PALS2: variants seen among roughly 807,000 people sequenced by gnomAD.
PALS2 encodes the protein protein PALS2.
Under a neutral mutation model 61.6 loss-of-function variants are expected in PALS2, and 27 were observed. The ratio of observed to expected loss-of-function variants is 0.44; its 90% CI spans 0.32 to 0.60. The LOEUF is 0.60. Ranked by LOEUF, PALS2 falls within the 20% of genes least tolerant of loss-of-function variation. PALS2 has a pLI of 0.05. For synonymous variants in PALS2, 236 were observed against 218.6 expected (o/e 1.08, Z -0.70); for missense variants, 554 against 639.4 (o/e 0.87, Z 1.44).
At chr7:24,617,322 T>G (rs1784328092) in intron 1 of PALS2, among the ~76,000 whole-genome samples, 1 of 152,244 alleles carries the variant, frequency 6.6e-6, no homozygotes, top group Admixed American at 6.5e-5. Flanking sequence ...TATTATTTTG[T>G]ATCTCACTGT....
At chr7:24,574,452 T>A (rs931995812) in intron 1 of PALS2, among the ~76,000 whole-genome samples, 7 of 152,122 alleles carry the variant, frequency 4.6e-5, no homozygotes, top group Admixed American at 2.6e-4. Context: ...TTATTCTCAA[T>A]CCTACCAGTT....
chr7:24,662,898 A>G (rs1046983760), intron 5 of PALS2, among the ~76,000 whole-genome samples: 3 of 152,148 alleles, frequency 2.0e-5, no homozygotes, highest in African/African-American at 4.8e-5. Flanking sequence ...AAATAGCCCA[A>G]ATTTCGGAGA....
intron 3 of PALS2, among the ~76,000 whole-genome samples, chr7:24,644,531 T>C (rs1427335861): frequency 6.6e-6 from 1 of 152,128 alleles, no homozygotes; most frequent in Non-Finnish European, 1.5e-5. Context: ...TATCACATTT[T>C]CTTTATCCAA....
chr7:24,605,165 A>G (rs1393772108), intron 1 of PALS2, among the ~76,000 whole-genome samples: 1 of 152,356 alleles, frequency 6.6e-6, no homozygotes, highest in African/African-American at 2.4e-5. Context: ...AAGATTTTCA[A>G]CATTTTACTA....
intron 1 of PALS2, among the ~76,000 whole-genome samples, chr7:24,578,874 A>G (rs1271048240): frequency 1.3e-5 from 2 of 152,202 alleles, no homozygotes; most frequent in African/African-American, 4.8e-5. Flanking sequence ...TGAAATCTGA[A>G]GTATCTGAAA....
intron 8 of PALS2, chr7:24,666,738 C>A (rs1375303305): frequency 1.3e-5 from 2 of 152,024 alleles, no homozygotes; most frequent in Non-Finnish European, 2.9e-5. Flanking sequence ...CTCAGTAAAG[C>A]TGAAAAGATT....
chr7:24,587,104 G>GTT (rs1783096325), intron 1 of PALS2, among the ~76,000 whole-genome samples: 1 of 151,508 alleles, frequency 6.6e-6, no homozygotes, highest in African/African-American at 2.4e-5. Context: ...ATTTGAGCAA[G>GTT]TTGTTCTCAT....
chr7:24,605,278 C>T (rs565552890), intron 1 of PALS2, among the ~76,000 whole-genome samples: 1 of 152,246 alleles, frequency 6.6e-6, no homozygotes, highest in East Asian at 1.9e-4. Flanking sequence ...ATGTTCACTG[C>T]AGCATTTCTT....
rs140647017 is a variant in PALS2 at position 24,685,978 on chromosome 7, A to G, written c.1447-1460A>G. Among the ~76,000 whole-genome samples the G allele has an allele frequency of 2.8e-4, 42 of 152,256 alleles. No individual in the cohort carries two copies. In the East Asian group the frequency reaches 7.3e-3, roughly 27 times the overall value. On this transcript the variant is annotated intron_variant, in intron 11 of 11. Coordinates refer to ENST00000222644, the MANE Select transcript of PALS2 (RefSeq NM_001303037.2). Reference sequence around the variant, plus strand: ...ATTTGCATAACCAGTCGCCTGCTGTACATCTCCACTTGGATGTCTCACAGA... The same window carrying G: ...ATTTGCATAACCAGTCGCCTGCTGTGCATCTCCACTTGGATGTCTCACAGA...
At chr7:24,642,559 A>G (rs1562635626) in intron 3 of PALS2, among the ~76,000 whole-genome samples, 1 of 152,180 alleles carries the variant, frequency 6.6e-6, no homozygotes, top group Admixed American at 6.5e-5. Context: ...TGACTGGGAC[A>G]CTGCATTTTC....
intron 9 of PALS2, among the ~76,000 whole-genome samples, chr7:24,678,740 T>C (rs891960702): frequency 6.6e-6 from 1 of 152,222 alleles, no homozygotes; most frequent in African/African-American, 2.4e-5. Context: ...TAGGTAAATA[T>C]ACTTTGAGTT....
chr7:24,691,063 A>G lies in PALS2; in HGVS notation c.*3449A>G, dbSNP rs1340309270. On this transcript the variant is annotated 3_prime_UTR_variant, in exon 12 of 12. Transcript: ENST00000222644. ...TGATCCTTGGTTTAAAAATTATTAA[A>G]TGGTACTTATTTTTATGTATAACAA... 2 of 152,126 alleles carry G rather than the reference A, an allele frequency of 1.3e-5. No homozygotes were observed. Among genetic ancestry groups the G allele is most frequent in the Non-Finnish European group, 2.9e-5 (2 of 68,002 alleles). 9.4% of individuals were successfully genotyped at this position (152,126 alleles called of 1,614,324 possible).
chr7:24,639,625 C>T (rs1785413404), intron 2 of PALS2, among the ~76,000 whole-genome samples: 2 of 150,928 alleles, frequency 1.3e-5, no homozygotes, highest in Non-Finnish European at 2.9e-5. Context: ...AAACAATTGG[C>T]AATTCTAGCT....
At chr7:24,585,715 T>C (rs184715912) in intron 1 of PALS2, among the ~76,000 whole-genome samples, 106 of 152,290 alleles carry the variant, frequency 7.0e-4, no homozygotes, top group African/African-American at 2.2e-3. Context: ...ATTTATTTTT[T>C]TGAGACGGAG....
At chr7:24,649,920 A>G (rs1786052449) in intron 4 of PALS2, among the ~76,000 whole-genome samples, 156 bp downstream of exon 4, 1 of 152,106 alleles carries the variant, frequency 6.6e-6, no homozygotes, top group Non-Finnish European at 1.5e-5. Context: ...TGCTTTCTCA[A>G]CTTGGTTTAG....
At position 24,595,494 on chromosome 7, in the gene PALS2, AT is replaced by A. The variant is rs1210856206; in HGVS notation, c.-3+21906del. ...ATAAATATGTAAATATATATTATATATTTTTAATATATATAATATATAATAT... is the reference window on the plus strand; with the variant it reads ...ATAAATATGTAAATATATATTATATATTTTAATATATATAATATATAATAT... On this transcript the variant is annotated intron_variant, in intron 1 of 11. Transcript: ENST00000222644. 2.7e-3 allele frequency among the ~76,000 whole-genome samples: 331 copies of A among 123,334 alleles called. 2 individuals are homozygous for A. The highest frequency in any genetic ancestry group is 9.9e-3 in the African/African-American group (287 of 29,088). 80.9% of individuals were successfully genotyped at this position (123,334 alleles called of 152,430 possible).
chr7:24,674,103 G>A (rs75536921), intron 9 of PALS2, among the ~76,000 whole-genome samples: 10,529 of 152,132 alleles, frequency 0.069, 452 homozygotes, highest in African/African-American at 0.11. Context: ...ACACAGACCA[G>A]TTAGCCAGAT....
chr7:24,666,185 A>G (rs2128087876), intron 8 of PALS2, 96 bp downstream of exon 8: 1 of 1,100,964 alleles, frequency 9.1e-7, no homozygotes, highest in Non-Finnish European at 1.3e-6. Context: ...AGTGAGTGTA[A>G]TTCAGATTAG....
At chr7:24,668,778 A>G (rs1787159409) in intron 9 of PALS2, 118 bp downstream of exon 9, 6 of 1,213,642 alleles carry the variant, frequency 4.9e-6, no homozygotes, top group Non-Finnish European at 7.0e-6. Context: ...TCTTTATGGC[A>G]GTGAAAGTGA....
Sources: gnomAD v4.1 joint callset for allele counts (sites outside exome capture counted in the v4.1 genomes callset) on GRCh38, gnomAD v4.1.1 for gene constraint, MANE v1.5 for transcripts, NCBI Gene and HGNC (gene_info 2026-07-23, HGNC 2026-07-21) for gene names.